Variants in PTPRD observed in about 807,000 individuals in gnomAD.
The protein encoded by PTPRD is protein tyrosine phosphatase receptor type D, also known as receptor-type tyrosine-protein phosphatase delta.
In PTPRD, 34 loss-of-function variants were observed where a neutral mutation model predicts 214.5. The ratio of observed to expected loss-of-function variants is 0.16; its 90% confidence interval spans 0.12 to 0.21. The LOEUF (loss-of-function observed/expected upper bound fraction) is 0.21, where lower values mean the gene tolerates loss of function less well. PTPRD is among the 10% of genes least tolerant of loss of function. The probability of loss-of-function intolerance (pLI) is 1.00; values close to 1 mark genes in which losing one functional copy is unlikely to be tolerated. For missense variants in PTPRD, 2,545 were observed against 2,398.7 expected, an observed-to-expected ratio of 1.06 and a Z score of -1.27; for synonymous variants, 1,128 against 845.7, an observed-to-expected ratio of 1.33 and a Z score of -5.79.
chr9:10,457,886 A>C (rs2037781345), intron 2 of PTPRD, among the ~76,000 whole-genome samples: 1 of 152,088 alleles, frequency 6.6e-6, no homozygotes, highest in Non-Finnish European at 1.5e-5. Context: ...CTTATATATA[A>C]AATCAGAAAT....
chr9:9,958,021 T>C (rs12351907), intron 4 of PTPRD, among the ~76,000 whole-genome samples: 6,073 of 141,032 alleles, frequency 0.043, 146 homozygotes, highest in Non-Finnish European at 0.063. Context: ...AGTTCATTTG[T>C]GTATGTGTAA....
chr9:9,489,813 A>G (rs570537746), intron 8 of PTPRD, among the ~76,000 whole-genome samples: 2 of 143,814 alleles, frequency 1.4e-5, no homozygotes, highest in South Asian at 4.4e-4. Flanking sequence ...ATAAAAGAAG[A>G]AGGAAGAAAA....
chr9:10,258,003 G>T (rs1411237348), intron 3 of PTPRD, among the ~76,000 whole-genome samples: 2 of 152,130 alleles, frequency 1.3e-5, no homozygotes, highest in African/African-American at 4.8e-5. Flanking sequence ...GGTGGCAGGG[G>T]CAGGAAGCTT....
chr9:9,242,712 C>A (rs2099970979), intron 9 of PTPRD, among the ~76,000 whole-genome samples: 1 of 152,098 alleles, frequency 6.6e-6, no homozygotes, highest in South Asian at 2.1e-4. Context: ...AAGGACTTCT[C>A]TACACTGGTT....
intron 10 of PTPRD, among the ~76,000 whole-genome samples, chr9:9,100,224 T>C (rs1262954339): frequency 6.6e-6 from 1 of 152,084 alleles, no homozygotes; most frequent in Non-Finnish European, 1.5e-5. Flanking sequence ...TTCAAAAACA[T>C]ATCAGATAAA....
At chr9:9,785,391 TCATAGA>T (rs1462295650) in intron 5 of PTPRD, among the ~76,000 whole-genome samples, 1 of 152,064 alleles carries the variant, frequency 6.6e-6, no homozygotes, top group African/African-American at 2.4e-5. Flanking sequence ...TGCTACTTTC[TCATAGA>T]CAAAGTATAT....
At chr9:10,025,786 C>G (rs1326300251) in intron 4 of PTPRD, among the ~76,000 whole-genome samples, 2 of 152,148 alleles carry the variant, frequency 1.3e-5, no homozygotes, top group Admixed American at 1.3e-4. Flanking sequence ...GAGGTGTAAC[C>G]TATTCATCCC....
intron 14 of PTPRD, among the ~76,000 whole-genome samples, chr9:8,571,484 C>G (rs970460619): frequency 3.9e-5 from 6 of 152,078 alleles, no homozygotes; most frequent in African/African-American, 1.2e-4. Flanking sequence ...GACAATTTGG[C>G]TGATAATATC....
chr9:9,748,073 G>A (rs551676021), intron 6 of PTPRD, among the ~76,000 whole-genome samples: 13 of 152,176 alleles, frequency 8.5e-5, no homozygotes, highest in Middle Eastern at 3.4e-3. Flanking sequence ...CAGCAAGGGT[G>A]GTCCAAGCAA....
intron 7 of PTPRD, among the ~76,000 whole-genome samples, chr9:9,672,347 C>T (rs567051516): frequency 6.6e-6 from 1 of 152,094 alleles, no homozygotes; most frequent in Admixed American, 6.6e-5. Flanking sequence ...AGCAGAATGG[C>T]TATAATGATA....
At chr9:10,320,624 A>C (rs948681609) in intron 3 of PTPRD, among the ~76,000 whole-genome samples, 1 of 152,078 alleles carries the variant, frequency 6.6e-6, no homozygotes, top group African/African-American at 2.4e-5. Flanking sequence ...TATTTTAATG[A>C]CATCATTAAA....
At position 10,093,630 on chromosome 9, in the gene PTPRD, G is replaced by T. The variant is rs540551196; in HGVS notation, c.-544-59840C>A. 4.7e-4 allele frequency among the ~76,000 whole-genome samples: 72 copies of T among 151,582 alleles called. 1 individual carries two copies. The highest frequency in any genetic ancestry group is 9.0e-4 in the Non-Finnish European group (61 of 67,636). ...GGAAAATACATTGTTCTATCAAAAA[G>T]ACATATGTATTCATAAGTTCATTAC... On this transcript the variant is annotated intron_variant, in intron 3 of 45. Transcript: ENST00000381196.
intron 8 of PTPRD, among the ~76,000 whole-genome samples, chr9:9,476,883 G>C (rs934459003): frequency 6.6e-6 from 1 of 151,990 alleles, no homozygotes; most frequent in African/African-American, 2.4e-5. Flanking sequence ...TTGCAGGCAT[G>C]TGCCACCATG....
intron 10 of PTPRD, among the ~76,000 whole-genome samples, chr9:9,096,565 G>A (rs1173541001): frequency 6.6e-6 from 1 of 152,094 alleles, no homozygotes; most frequent in Non-Finnish European, 1.5e-5. Flanking sequence ...TCCAGGTGAA[G>A]ATATAGATGA....
At chr9:8,351,128 G>T (rs2075323279) in intron 39 of PTPRD, among the ~76,000 whole-genome samples, 1 of 152,180 alleles carries the variant, frequency 6.6e-6, no homozygotes, top group African/African-American at 2.4e-5. Flanking sequence ...TGATGTAGCA[G>T]TTAAAAAGAA....
At chr9:10,552,081 G>A (rs2061479084) in intron 2 of PTPRD, among the ~76,000 whole-genome samples, 1 of 152,060 alleles carries the variant, frequency 6.6e-6, no homozygotes, top group Non-Finnish European at 1.5e-5. Context: ...TATATCACTT[G>A]GCTCAAATGA....
intron 36 of PTPRD, among the ~76,000 whole-genome samples, chr9:8,391,139 A>T (rs1264502871): frequency 6.7e-6 from 1 of 149,834 alleles, no homozygotes; most frequent in East Asian, 2.0e-4. Flanking sequence ...CGGGGTAACC[A>T]TTTTTTTTTT....
intron 9 of PTPRD, among the ~76,000 whole-genome samples, chr9:9,319,405 C>G (rs1238929541): frequency 6.6e-6 from 1 of 152,096 alleles, no homozygotes; most frequent in African/African-American, 2.4e-5. Flanking sequence ...TAAACTCAAA[C>G]AATCTTTAGT....
intron 2 of PTPRD, among the ~76,000 whole-genome samples, chr9:10,361,423 G>A (rs1434492267): frequency 2.0e-5 from 3 of 152,136 alleles, no homozygotes; most frequent in Non-Finnish European, 4.4e-5. Context: ...CACCGATGTA[G>A]ACAAGGGTAC....
Sources: gnomAD v4.1 joint callset for allele counts (sites outside exome capture counted in the v4.1 genomes callset) on GRCh38, gnomAD v4.1.1 for gene constraint, MANE v1.5 for transcripts, NCBI Gene and HGNC (gene_info 2026-07-23, HGNC 2026-07-21) for gene names.